NPC1: variants seen among roughly 807,000 people sequenced by gnomAD.
NPC1 encodes the protein Niemann-Pick C1 protein.
A neutral mutation model predicts 140.4 loss-of-function variants in NPC1; 85 were observed. That is an observed-to-expected ratio of 0.61 (90% CI 0.51 to 0.72). The LOEUF is 0.72. Among genes scored for constraint, NPC1 ranks in the 30% least tolerant of loss-of-function variants. The pLI, the probability that NPC1 is intolerant of heterozygous loss-of-function variation, is 0.00. For synonymous variants in NPC1, 656 were observed against 624.8 expected (o/e 1.05, Z -0.74); for missense variants, 1,504 against 1,623.8 (o/e 0.93, Z 1.27).
At chr18:23,575,277 C>T (rs1344451777) in intron 1 of NPC1, among the ~76,000 whole-genome samples, 5 of 152,200 alleles carry the variant, frequency 3.3e-5, no homozygotes, top group Non-Finnish European at 5.9e-5. Context: ...GTTTAGGTTC[C>T]TTTTCACAAA....
chr18:23,544,943 A>ACCCT lies in NPC1; in HGVS notation c.1947+16_1947+17insAGGG, dbSNP rs1555634620. 39 of 1,042,310 alleles carry ACCCT rather than the reference A, an allele frequency of 3.7e-5. 2 individuals carry two copies. Among genetic ancestry groups the ACCCT allele is most frequent in the Admixed American group, 6.6e-5 (3 of 45,632 alleles). 64.6% of individuals were successfully genotyped at this position (1,042,310 alleles called of 1,614,324 possible). A position where few individuals can be genotyped will look rare whatever the true frequency, so the allele number is the denominator to read the frequency against. On this transcript the variant is annotated intron_variant, in intron 12 of 24. Coordinates refer to ENST00000269228, the MANE Select transcript of NPC1 (RefSeq NM_000271.5). ...GCTGTTAACCTCTAGAACATACACC[A>ACCCT]CCCCCCCCCGGCTTACCAGAAGCCT...
In NPC1 at chr18:23,586,459, G is replaced by C. The variant is rs574376933; in HGVS notation, c.-116C>G. On this transcript the variant is annotated 5_prime_UTR_variant, in exon 1 of 25. Transcript: ENST00000269228. ...CCCGCGCAGGAGGAGCGGAGGAGCAGGAGCAGGCGCTGACCGCGGCAGCAG... is the reference window on the plus strand; with the variant it reads ...CCCGCGCAGGAGGAGCGGAGGAGCACGAGCAGGCGCTGACCGCGGCAGCAG... 96 of 1,485,662 alleles carry C rather than the reference G, an allele frequency of 6.5e-5. 1 individual carries two copies. In the East Asian group the frequency reaches 2.4e-3, roughly 37 times the overall value. The allele number at this position is 1,485,662 out of a possible 1,614,324, so 92.0% of individuals were successfully genotyped here.
intron 13 of NPC1, 98 bp from the exon 14 acceptor site, chr18:23,543,667 A>T: frequency 1.4e-6 from 1 of 733,264 alleles, no homozygotes; most frequent in Non-Finnish European, 2.4e-6. Context: ...AAAATAAATG[A>T]TTAGTAGACG....
intron 20 of NPC1, 32 bp downstream of exon 20, chr18:23,538,510 G>A (rs2058665159): frequency 6.2e-7 from 1 of 1,613,566 alleles, no homozygotes; most frequent in Non-Finnish European, 8.5e-7. Context: ...AAGTTGCAGT[G>A]GATGCTTATC....
At chr18:23,528,129 GT>G, downstream of NPC1, 1 of 432,708 alleles carries the variant, frequency 2.3e-6, no homozygotes. Flanking sequence ...TACCTTCACT[GT>G]TTTTGTTTTT....
intron 8 of NPC1, among the ~76,000 whole-genome samples, chr18:23,556,029 T>C (rs1221796712): frequency 6.6e-6 from 1 of 152,190 alleles, no homozygotes; most frequent in Non-Finnish European, 1.5e-5. Context: ...CTGAAGTAAA[T>C]ACAAAAGTGA....
intron 1 of NPC1, among the ~76,000 whole-genome samples, chr18:23,582,713 G>A (rs2059370249): frequency 6.6e-6 from 1 of 151,792 alleles, no homozygotes; most frequent in Non-Finnish European, 1.5e-5. Context: ...CTTGATGTGG[G>A]AGAATCACCT....
chr18:23,560,127 A>G (rs1567968968), intron 6 of NPC1, 104 bp downstream of exon 6: 1 of 1,370,756 alleles, frequency 7.3e-7, no homozygotes, highest in Non-Finnish European at 1.0e-6. Context: ...TCATGGAGGT[A>G]TTTGTTTCTT....
chr18:23,524,941 CTTTTTTT>C (rs5823396), downstream of NPC1, among the ~76,000 whole-genome samples: 1 of 69,216 alleles, frequency 1.4e-5, no homozygotes, highest in African/African-American at 5.9e-5. Context: ...TTAGAGAAAT[CTTTTTTT>C]TTTTTTTTTT....
intron 9 of NPC1, 89 bp downstream of exon 9, chr18:23,554,669 G>T: frequency 1.1e-6 from 1 of 942,826 alleles, no homozygotes; most frequent in Non-Finnish European, 1.7e-6. Flanking sequence ...GCTCACCTCT[G>T]GGTTATGCTC....
At chr18:23,515,481 T>C (rs1034271911) in intron 3 of NPC1, among the ~76,000 whole-genome samples, 1 of 152,150 alleles carries the variant, frequency 6.6e-6, no homozygotes, top group Non-Finnish European at 1.5e-5. Flanking sequence ...TTCTTCTGCT[T>C]TTTATTCTCA....
chr18:23,560,106 T>A, intron 6 of NPC1, 125 bp downstream of exon 6: 1 of 1,149,836 alleles, frequency 8.7e-7, no homozygotes. Flanking sequence ...CAATAATCCA[T>A]GCAATGGTAT....
chr18:23,562,911 C>T (rs1162008081), intron 4 of NPC1, among the ~76,000 whole-genome samples: 1 of 152,124 alleles, frequency 6.6e-6, no homozygotes, highest in Non-Finnish European at 1.5e-5. Flanking sequence ...CAATTTACCC[C>T]CTTAAACTAT....
chr18:23,557,504 C>T (rs553361328), intron 6 of NPC1, among the ~76,000 whole-genome samples: 2 of 152,300 alleles, frequency 1.3e-5, no homozygotes, highest in East Asian at 3.9e-4. Flanking sequence ...GCCTGTAAAC[C>T]CAGCACTTTG....
chr18:23,565,921 A>C (rs2059117392), intron 4 of NPC1, among the ~76,000 whole-genome samples: 2 of 152,154 alleles, frequency 1.3e-5, no homozygotes, highest in African/African-American at 4.8e-5. Flanking sequence ...AATGATTTAT[A>C]GGTCTTTGTA....
intron 6 of NPC1, 33 bp from the exon 7 acceptor site, chr18:23,557,223 G>A (rs1466782167): frequency 6.6e-7 from 1 of 1,523,056 alleles, no homozygotes; most frequent in Non-Finnish European, 9.1e-7. Flanking sequence ...TAGCATTAGT[G>A]GACTTCATCA....
At chr18:23,551,752 TC>T in intron 9 of NPC1, 25 bp from the exon 10 acceptor site, 2 of 1,520,252 alleles carry the variant, frequency 1.3e-6, no homozygotes, top group Non-Finnish European at 1.8e-6. Flanking sequence ...AGAAAACACC[TC>T]CCAGTTAGAA....
chr18:23,532,220 T>G lies in NPC1; in HGVS notation c.3819A>C (p.Glu1273Asp). ...GAGAGGGCTAGAAATTTAGAAGCCG[T>G]TCGCGCTCTGTTCCTTTGTATCGCT... ...TEERYKGTERERLLNF is the reference protein window; with the variant it reads ...TEERYKGTERDRLLNF Residue 1273 changes from glutamate to aspartate, a missense_variant, in exon 25 of 25, where the codon GAA (glutamate) becomes GAC (aspartate). By Grantham distance (45) the Glu-to-Asp change is conservative. Transcript: ENST00000269228. 6.2e-7 allele frequency: 1 copy of G among 1,614,172 alleles called. No individual in the cohort carries two copies. The highest frequency in any genetic ancestry group is 8.5e-7 in the Non-Finnish European group (1 of 1,180,026).
At chr18:23,562,592 A>AT (rs2145490680) in intron 4 of NPC1, among the ~76,000 whole-genome samples, 1 of 152,256 alleles carries the variant, frequency 6.6e-6, no homozygotes, top group South Asian at 2.1e-4. Flanking sequence ...TTCTCAACAG[A>AT]TTATTCCATT....
Sources: allele counts gnomAD v4.1 joint callset (sites outside exome capture counted in the v4.1 genomes callset), GRCh38; gene constraint gnomAD v4.1.1; transcripts MANE v1.5; gene names NCBI Gene and HGNC (gene_info 2026-07-23, HGNC 2026-07-21).